Variants in RAB40B observed in about 807,000 individuals in gnomAD.
The protein encoded by RAB40B is ras-related protein Rab-40B.
In RAB40B, 21 loss-of-function variants were observed where a neutral mutation model predicts 24.0. That is an observed-to-expected ratio of 0.88 (90% CI 0.62 to 1.26). The LOEUF (loss-of-function observed/expected upper bound fraction) is 1.26. Ranked by LOEUF, RAB40B falls within the 50% of genes most tolerant of loss-of-function variation. The probability of loss-of-function intolerance (pLI) is 0.00; values close to 1 mark genes in which losing one functional copy is unlikely to be tolerated. For synonymous variants in RAB40B, 167 were observed against 169.8 expected, an observed-to-expected ratio of 0.98 and a Z score of 0.13; for missense variants, 348 against 390.5, an observed-to-expected ratio of 0.89 and a Z score of 0.92.
rs1014792800 is a variant in RAB40B, at chr17:82,667,179, A to G, written c.143-2623T>C. On this transcript the variant is annotated intron_variant, in intron 1 of 5. Coordinates refer to ENST00000571995, the MANE Select transcript of RAB40B (RefSeq NM_006822.3). The surrounding 1 kb of genome is among the most constrained non-coding windows in gnomAD (Gnocchi z 4.3). Reference sequence around the variant, plus strand: ...TTCTCAAGCAGCTTCTGCCCCCTCGAAGGGTCTAGAACCCTTGGACTTGGC... The same window carrying G: ...TTCTCAAGCAGCTTCTGCCCCCTCGGAGGGTCTAGAACCCTTGGACTTGGC... Among the ~76,000 whole-genome samples, 1 of 152,196 alleles carries G rather than the reference A, an allele frequency of 6.6e-6. No individual in the cohort carries two copies. Among genetic ancestry groups the G allele is most frequent in the African/African-American group, 2.4e-5 (1 of 41,446 alleles).
At chr17:82,662,947 G>C (rs1452068556) in intron 2 of RAB40B, among the ~76,000 whole-genome samples, 1 of 151,870 alleles carries the variant, frequency 6.6e-6, no homozygotes, top group East Asian at 1.9e-4. Flanking sequence ...GGGTGGCCTT[G>C]GCCCCTCAGG....
rs925574595 is a variant in RAB40B at position 82,667,861 on chromosome 17, G to A, written c.143-3305C>T. ...CCCACCCAGTACGAGGCTTTCCTGAGCTGGCCAAACGTTTGCCACCGAGCC... is the reference window on the plus strand; with the variant it reads ...CCCACCCAGTACGAGGCTTTCCTGAACTGGCCAAACGTTTGCCACCGAGCC... On this transcript the variant is annotated intron_variant, in intron 1 of 5. Transcript: ENST00000571995. This position sits in a 1 kb window ranked among gnomAD's most constrained non-coding sequence, Gnocchi z 4.3. 5.3e-5 allele frequency among the ~76,000 whole-genome samples: 8 copies of A among 152,166 alleles called. No homozygotes were observed. The highest frequency in any genetic ancestry group is 1.9e-4 in the East Asian group (1 of 5,184).
At chr17:82,669,709 G>T (rs1199808880) in intron 1 of RAB40B, among the ~76,000 whole-genome samples, 2 of 152,104 alleles carry the variant, frequency 1.3e-5, no homozygotes, top group Non-Finnish European at 2.9e-5. Context: ...CAACTAGATA[G>T]TTCTACTAGC....
chr17:82,659,059 A>C (rs769817805), intron 4 of RAB40B: 13 of 295,730 alleles, frequency 4.4e-5, no homozygotes, highest in Non-Finnish European at 7.6e-5. Context: ...AGGCGGCTGT[A>C]GGGAAGTGGC....
intron 1 of RAB40B, among the ~76,000 whole-genome samples, chr17:82,681,020 C>CA (rs201799464): frequency 1.7e-4 from 16 of 93,946 alleles, no homozygotes; most frequent in South Asian, 3.6e-4. Flanking sequence ...GACTCCATCT[C>CA]AAAAAAAAAA....
In RAB40B at chr17:82,698,530, T is replaced by C; in HGVS notation, c.67A>G (p.Ser23Gly). ...AGGATCTCGCCCTTGCCCACGTCGCTGTCGCCCACCAGCAGGAACTTGAGC... is the reference window on the plus strand; with the variant it reads ...AGGATCTCGCCCTTGCCCACGTCGCCGTCGCCCACCAGCAGGAACTTGAGC... ...FLLKFLLVGDSDVGKGEILAS... is the reference protein window; with the variant it reads ...FLLKFLLVGDGDVGKGEILAS... Residue 23 changes from serine (S) to glycine (G), a missense_variant, in exon 1 of 6, where the codon AGC (serine) becomes GGC (glycine). Coordinates refer to ENST00000571995, the MANE Select transcript of RAB40B (RefSeq NM_006822.3). 6.5e-7 allele frequency: 1 copy of C among 1,530,184 alleles called. No homozygotes were observed. The highest frequency in any genetic ancestry group is 8.8e-7 in the Non-Finnish European group (1 of 1,134,206). 94.8% of individuals were successfully genotyped at this position (1,530,184 alleles called of 1,614,324 possible).
chr17:82,658,134 A>G lies in RAB40B; in HGVS notation c.566T>C (p.Val189Ala), dbSNP rs2046110220. 1.2e-5 allele frequency: 19 copies of G among 1,612,886 alleles called. No individual in the cohort carries two copies. Among genetic ancestry groups the G allele is most frequent in the Non-Finnish European group, 1.5e-5 (18 of 1,179,474 alleles). Residue 189 changes from valine to alanine, a missense_variant and splice_region_variant, in exon 6 of 6, where the codon GTG becomes GCG. Physicochemically the swap from Val to Ala is moderately conservative, Grantham distance 64. Around this residue, in one of 3 missense-constraint regions of RAB40B, gnomAD observed 121 missense variants for 124.0 expected, o/e 0.98. Transcript: ENST00000571995. ...GMDRLWRPSK[V>A]LSLQDLCCRA... is the part of the protein sequence containing the mutation. ...GCAGCAGAGGTCTTGCAAGCTCAGC[A>G]CTTGGGAGAGAAAAGATAAACCTTG...
chr17:82,671,404 CTT>C (rs1283973527), intron 1 of RAB40B, among the ~76,000 whole-genome samples: 1 of 147,376 alleles, frequency 6.8e-6, no homozygotes, highest in Non-Finnish European at 1.5e-5. Flanking sequence ...CACTGACACA[CTT>C]CACCCTGTAA....
In RAB40B at chr17:82,664,977, C is replaced by T. The variant is rs1243516325; in HGVS notation, c.143-421G>A. On this transcript the variant is annotated intron_variant, in intron 1 of 5. Transcript: ENST00000571995. ...CGACTCAGCTCTGTTTCCAAGGGAA[C>T]GGGGCTAAGGCAGCGGCTCTGCAGA... 9 of 187,124 alleles carry T rather than the reference C, an allele frequency of 4.8e-5. No homozygotes were observed. In the East Asian group the frequency reaches 6.1e-4, roughly 13 times the overall value. 11.6% of individuals were successfully genotyped at this position (187,124 alleles called of 1,614,324 possible).
In RAB40B at chr17:82,692,276, C is replaced by T. The variant is rs1385481067; in HGVS notation, c.142+6179G>A. 6.6e-6 allele frequency among the ~76,000 whole-genome samples: 1 copy of T among 152,132 alleles called. No individual in the cohort carries two copies. The highest frequency in any genetic ancestry group is 1.5e-5 in the Non-Finnish European group (1 of 68,026). On this transcript the variant is annotated intron_variant, in intron 1 of 5. Coordinates refer to ENST00000571995, the MANE Select transcript of RAB40B (RefSeq NM_006822.3). This position sits in a 1 kb window ranked among gnomAD's most constrained non-coding sequence, Gnocchi z 4.0. ...GGCAGAGCAGTGGGGTCCACATAGT[C>T]TGTGGAGTCAAGTTGCCGACAGGGT... is the stretch of plus-strand genomic sequence containing the variant.
At chr17:82,696,057 A>T (rs2143566414) in intron 1 of RAB40B, among the ~76,000 whole-genome samples, 1 of 141,868 alleles carries the variant, frequency 7.0e-6, no homozygotes, top group East Asian at 1.9e-4. Flanking sequence ...TATAGTAGAG[A>T]CAGGGTTTCT....
chr17:82,672,074 G>A (rs1598304396), intron 1 of RAB40B, among the ~76,000 whole-genome samples: 4 of 6,166 alleles, frequency 6.5e-4, no homozygotes, highest in African/African-American at 1.5e-3. Context: ...ACACACACAT[G>A]CTCCCTGTAC....
rs2046624745 is a variant in RAB40B, at chr17:82,697,694, G to T, written c.142+761C>A. Among the ~76,000 whole-genome samples the T allele has an allele frequency of 6.6e-6, 1 of 152,130 alleles. No homozygotes were observed. Among genetic ancestry groups the T allele is most frequent in the Non-Finnish European group, 1.5e-5 (1 of 68,010 alleles). ...CCCCTTCTCCTGGGTTCCTGCCCCC[G>T]CCTTTCTTTCCCCGGAGCCGTCCAC... On this transcript the variant is annotated intron_variant, in intron 1 of 5. Transcript: ENST00000571995. This position sits in a 1 kb window ranked among gnomAD's most constrained non-coding sequence, Gnocchi z 4.9.
chr17:82,670,802 G>A (rs1404306040), intron 1 of RAB40B, among the ~76,000 whole-genome samples: 1 of 151,948 alleles, frequency 6.6e-6, no homozygotes, highest in Non-Finnish European at 1.5e-5. Context: ...CAAAATGCTG[G>A]GATTACAGGT....
intron 1 of RAB40B, among the ~76,000 whole-genome samples, chr17:82,668,794 C>T (rs769658789): frequency 2.6e-5 from 4 of 152,252 alleles, no homozygotes; most frequent in Non-Finnish European, 4.4e-5. Flanking sequence ...CAGCGGGCCG[C>T]GGCACGCAGG....
chr17:82,655,946 ATTTC>A lies in RAB40B; in HGVS notation c.*1913_*1916del, dbSNP rs1156999489. ...TGCCCCTGATTCTAGGGTCCCTTAA[ATTTC>A]TTTTTTTTTTTTTTTTTTAGATGGA... is the stretch of plus-strand genomic sequence containing the variant. On this transcript the variant is annotated 3_prime_UTR_variant, in exon 6 of 6. Transcript: ENST00000571995. The A allele has an allele frequency of 6.5e-5, 8 of 122,918 alleles. No homozygotes were observed. Among genetic ancestry groups the A allele is most frequent in the African/African-American group, 2.4e-4 (8 of 33,514 alleles). The allele number at this position is 122,918 out of a possible 1,614,324, so 7.6% of individuals were successfully genotyped here. A position where few individuals can be genotyped will look rare whatever the true frequency, so the allele number is the denominator to read the frequency against.
intron 1 of RAB40B, among the ~76,000 whole-genome samples, chr17:82,687,340 T>C (rs1015115988): frequency 3.3e-5 from 5 of 152,220 alleles, no homozygotes; most frequent in Non-Finnish European, 7.3e-5. Context: ...TTAGGGTCAC[T>C]AAAGTTTAAT....
intron 1 of RAB40B, among the ~76,000 whole-genome samples, chr17:82,669,724 G>A (rs1422719389): frequency 6.6e-6 from 1 of 152,146 alleles, no homozygotes; most frequent in Non-Finnish European, 1.5e-5. Flanking sequence ...ACTAGCCCCA[G>A]CGCGGGAGCT....
chr17:82,689,194 G>A (rs1478546494), intron 1 of RAB40B, among the ~76,000 whole-genome samples: 2 of 152,258 alleles, frequency 1.3e-5, no homozygotes, highest in Non-Finnish European at 2.9e-5. Flanking sequence ...TGCACCCAGC[G>A]CGGAGCAGCC....
Sources: allele counts gnomAD v4.1 joint callset (sites outside exome capture counted in the v4.1 genomes callset), GRCh38; gene constraint gnomAD v4.1.1; regional missense constraint gnomAD v4.1.1; non-coding constraint Gnocchi (gnomAD v3.1); transcripts MANE v1.5; gene names NCBI Gene and HGNC (gene_info 2026-07-23, HGNC 2026-07-21).